Variants in SCARF2 observed in about 807,000 individuals in gnomAD.
The protein encoded by SCARF2 is scavenger receptor class F member 2.
SCARF2 carries 39 observed loss-of-function variants against 73.4 expected under a neutral mutation model. The ratio of observed to expected loss-of-function variants is 0.53; its 90% CI spans 0.41 to 0.69. SCARF2 has a LOEUF of 0.69. Ranked by LOEUF, SCARF2 falls within the 30% of genes least tolerant of loss-of-function variation. SCARF2 has a pLI of 0.00. For synonymous variants in SCARF2, 605 were observed against 590.0 expected, an observed-to-expected ratio of 1.03 and a Z score of -0.37; for missense variants, 1,148 against 1,303.5, an observed-to-expected ratio of 0.88 and a Z score of 1.84.
intron 6 of SCARF2, 176 bp from the exon 7 acceptor site, chr22:20,430,009 T>C (rs557761366): frequency 4.1e-5 from 27 of 663,752 alleles, no homozygotes; most frequent in African/African-American, 3.6e-4. Flanking sequence ...TATTGGGTAG[T>C]GGATGTTTTG....
chr22:20,427,574 G>T, intron 9 of SCARF2, 24 bp from the exon 10 acceptor site: 2 of 1,611,228 alleles, frequency 1.2e-6, no homozygotes, highest in East Asian at 2.2e-5. Flanking sequence ...AGGCAGAGCT[G>T]CCAGGGGTCC....
chr22:20,425,571 T>C lies in SCARF2; in HGVS notation c.2405A>G (p.Lys802Arg). The change falls in exon 11 of 11, where the codon AAA becomes AGA. Residue 802 changes from lysine (K) to arginine (R), a missense_variant. Physicochemically the swap from Lys to Arg is conservative, Grantham distance 26. Coordinates refer to ENST00000622235, the MANE Select transcript of SCARF2 (RefSeq NM_182895.5). This position sits in a 1 kb window ranked among gnomAD's most constrained non-coding sequence, Gnocchi z 4.6. ...GPREKPAPPQ[K>R]AKRSVPPASP... Reference sequence around the variant, plus strand: ...GGCTGGCGGCACGGAGCGCTTGGCTTTCTGTGGGGGCGCCGGCTTTTCCCT... The same window carrying C: ...GGCTGGCGGCACGGAGCGCTTGGCTCTCTGTGGGGGCGCCGGCTTTTCCCT... The C allele has an allele frequency of 7.5e-7, 1 of 1,341,338 alleles. No homozygotes were observed. The allele number at this position is 1,341,338 out of a possible 1,614,324, so 83.1% of individuals were successfully genotyped here.
Position 20,437,809 on chromosome 22 carries a change from G to T in SCARF2, c.-55C>A. 1 of 736,726 alleles carries T rather than the reference G, an allele frequency of 1.4e-6. No individual in the cohort carries two copies. The highest frequency in any genetic ancestry group is 5.8e-5 in the South Asian group (1 of 17,130). The allele number at this position is 736,726 out of a possible 1,614,324, so 45.6% of individuals were successfully genotyped here. ...GGGCGCGGGTGCGGCCGCAGCGAGAGCGGCCGGAAGCGGAGTGCGAGGCCG... is the reference window on the plus strand; with the variant it reads ...GGGCGCGGGTGCGGCCGCAGCGAGATCGGCCGGAAGCGGAGTGCGAGGCCG... On this transcript the variant is annotated 5_prime_UTR_variant, in exon 1 of 11. Coordinates refer to ENST00000622235, the MANE Select transcript of SCARF2 (RefSeq NM_182895.5).
In SCARF2 at chr22:20,425,470, T is replaced by C. The variant is rs781379635; in HGVS notation, c.2506A>G (p.Thr836Ala). The C allele has an allele frequency of 2.1e-6, 3 of 1,397,564 alleles. No individual in the cohort carries two copies. The highest frequency in any genetic ancestry group is 2.8e-5 in the Admixed American group (1 of 35,938). 86.6% of individuals were successfully genotyped at this position (1,397,564 alleles called of 1,614,324 possible). Reference sequence around the variant, plus strand: ...TGGATGGGGGTCTTCTTCCGGGGGGTCTCAGGCGCGGGCAAGTCGGTCGCC... The same window carrying C: ...TGGATGGGGGTCTTCTTCCGGGGGGCCTCAGGCGCGGGCAAGTCGGTCGCC... The part of the protein sequence containing the change: ...KAATDLPAPE[T>A]PRKKTPIQKP... Residue 836 changes from threonine to alanine, a missense_variant, in exon 11 of 11, where the codon ACC becomes GCC. Thr to Ala is a moderately conservative substitution (Grantham distance 58). Coordinates refer to ENST00000622235, the MANE Select transcript of SCARF2 (RefSeq NM_182895.5). This position sits in a 1 kb window ranked among gnomAD's most constrained non-coding sequence, Gnocchi z 4.6.
chr22:20,431,463 C>G lies in SCARF2; in HGVS notation c.409G>C (p.Val137Leu), dbSNP rs1327780843. 1 of 1,564,166 alleles carries G rather than the reference C, an allele frequency of 6.4e-7. No individual in the cohort carries two copies. The highest frequency in any genetic ancestry group is 2.4e-5 in the East Asian group (1 of 42,274). Residue 137 changes from valine to leucine, a missense_variant, in exon 4 of 11, where the codon GTG (valine) becomes CTG (leucine). Physicochemically the swap from Val to Leu is conservative, Grantham distance 32. Coordinates refer to ENST00000622235, the MANE Select transcript of SCARF2 (RefSeq NM_182895.5). ...SCHPHGQCED[V>L]TGQCTCHARR... ...GCGTGACAAGTACACTGGCCTGTCA[C>G]GTCCTCGCACTGCCCGTGTGGGTGG...
Position 20,425,353 on chromosome 22 carries a change from C to T in SCARF2, c.*22G>A, listed in dbSNP as rs916709590. 7.1e-5 allele frequency: 98 copies of T among 1,374,512 alleles called. No homozygotes were observed. Among genetic ancestry groups the T allele is most frequent in the Non-Finnish European group, 8.6e-5 (91 of 1,057,806 alleles). 85.1% of individuals were successfully genotyped at this position (1,374,512 alleles called of 1,614,324 possible). A position where few individuals can be genotyped will look rare whatever the true frequency, so the allele number is the denominator to read the frequency against. On this transcript the variant is annotated 3_prime_UTR_variant, in exon 11 of 11. Transcript: ENST00000622235. This position sits in a 1 kb window ranked among gnomAD's most constrained non-coding sequence, Gnocchi z 4.6. ...CGGCGCTGCGAAGCTGAGGGAGCTG[C>T]GCGCGGACGAGCCACAGCCTGCTAC...
In SCARF2 at chr22:20,431,401, C is replaced by T. The variant is rs1297869311; in HGVS notation, c.471G>A (p.Gln157=). Residue 157 remains glutamine (Q), a synonymous_variant, in exon 4 of 11, where the codon CAG becomes CAA. Transcript: ENST00000622235. ...GCGGGTGGCACGTGCCGTGCTGGCA[C>T]TGGCACGCATGCTCGCAGCGCGCGC... ...RWGARCEHAC[Q]CQHGTCHPRS... is the part of the protein sequence containing the mutation. The T allele has an allele frequency of 3.9e-6, 6 of 1,535,482 alleles. No homozygotes were observed. The African/African-American group carries it at 4.1e-5, about 11-fold the overall frequency.
In SCARF2 at chr22:20,427,380, A is replaced by C. The variant is rs1190905355; in HGVS notation, c.1693+18T>G. On this transcript the variant is annotated intron_variant, in intron 10 of 10. Transcript: ENST00000622235. Reference sequence around the variant, plus strand: ...ATTTCACTGGGCTGGAGTGATGCCCAGGTAGGGCCTTACTTACCCTCATGG... The same window carrying C: ...ATTTCACTGGGCTGGAGTGATGCCCCGGTAGGGCCTTACTTACCCTCATGG... 6.2e-7 allele frequency: 1 copy of C among 1,613,870 alleles called. No individual in the cohort carries two copies. The highest frequency in any genetic ancestry group is 1.7e-5 in the Admixed American group (1 of 60,002).
chr22:20,433,940 G>A (rs145858659), intron 1 of SCARF2, among the ~76,000 whole-genome samples: 24 of 152,306 alleles, frequency 1.6e-4, no homozygotes, highest in African/African-American at 4.6e-4. Flanking sequence ...GAATTGCCCC[G>A]GAAGCACTAA....
At chr22:20,436,462 G>A (rs2052700411) in intron 1 of SCARF2, among the ~76,000 whole-genome samples, 1 of 152,066 alleles carries the variant, frequency 6.6e-6, no homozygotes, top group South Asian at 2.1e-4. Flanking sequence ...ATGCGAAGCA[G>A]ATGGCGGGCC....
intron 1 of SCARF2, among the ~76,000 whole-genome samples, chr22:20,432,545 T>G (rs1020141953): frequency 3.3e-5 from 5 of 151,776 alleles, no homozygotes; most frequent in Non-Finnish European, 7.4e-5. Context: ...GTAGACACAG[T>G]GAGGTGACCA....
rs1015747298 is a variant in SCARF2, at chr22:20,425,902, G to A, written c.2074C>T (p.Pro692Ser). ...GTCCGTTTCCTCTTGCTGGGGCTGG[G>A]CGCGGCCTCGGAGCCTGGCGGCGGT... is the stretch of plus-strand genomic sequence containing the variant. ...SPPPPGSEAA[P>S]SPSKRKRTPS... The change falls in exon 11 of 11, where the codon CCC becomes TCC. Residue 692 changes from proline to serine, a missense_variant. Physicochemically the swap from Pro to Ser is moderately conservative, Grantham distance 74. Around this residue, in one of 5 missense-constraint regions of SCARF2, gnomAD observed 437 missense variants for 433.6 expected, o/e 1.01. Coordinates refer to ENST00000622235, the MANE Select transcript of SCARF2 (RefSeq NM_182895.5). The surrounding 1 kb of genome is among the most constrained non-coding windows in gnomAD (Gnocchi z 4.6). The A allele has an allele frequency of 1.9e-6, 3 of 1,598,596 alleles. No individual in the cohort carries two copies. The highest frequency in any genetic ancestry group is 2.6e-6 in the Non-Finnish European group (3 of 1,175,482).
intron 6 of SCARF2, 138 bp downstream of exon 6, chr22:20,430,291 C>T (rs958440089): frequency 1.7e-4 from 180 of 1,084,694 alleles, no homozygotes; most frequent in Non-Finnish European, 1.5e-4. Context: ...AAAGAGCCTA[C>T]TGTCACTCCC....
rs1206603547 is a variant in SCARF2, at chr22:20,429,397, T to G, written c.1425-57A>C. ...GGCCGGGGCGGGGCCCAGGGGCGAT[T>G]AGATCTCGGCCGGAGCCAAGCACAG... On this transcript the variant is annotated intron_variant, in intron 8 of 10. Transcript: ENST00000622235. The surrounding 1 kb of genome is among the most constrained non-coding windows in gnomAD (Gnocchi z 5.2). The G allele has an allele frequency of 6.4e-7, 1 of 1,557,912 alleles. No individual in the cohort carries two copies. Among genetic ancestry groups the G allele is most frequent in the East Asian group, 2.4e-5 (1 of 41,982 alleles).
At chr22:20,427,942 A>T (rs986639273) in intron 9 of SCARF2, among the ~76,000 whole-genome samples, 4 of 152,188 alleles carry the variant, frequency 2.6e-5, no homozygotes, top group African/African-American at 9.7e-5. Flanking sequence ...GAAGCCTTGG[A>T]GCACTTCTGA....
chr22:20,428,534 C>T (rs1336216487), intron 9 of SCARF2, among the ~76,000 whole-genome samples: 2 of 152,156 alleles, frequency 1.3e-5, no homozygotes, highest in Non-Finnish European at 2.9e-5. Context: ...GAACTCCAGG[C>T]CTCAGGTGAT....
chr22:20,427,317 CCT>C, intron 10 of SCARF2, 79 bp downstream of exon 10: 1 of 1,546,798 alleles, frequency 6.5e-7, no homozygotes, highest in Non-Finnish European at 8.9e-7. Context: ...CTGCCCTTCT[CCT>C]GTGTCCCACC....
intron 1 of SCARF2, among the ~76,000 whole-genome samples, chr22:20,433,106 T>C (rs1185566508): frequency 6.6e-6 from 1 of 152,148 alleles, no homozygotes; most frequent in Admixed American, 6.5e-5. Flanking sequence ...GAGCACAACC[T>C]CTAAAACCCT....
chr22:20,429,415 A>G lies in SCARF2; in HGVS notation c.1425-75T>C, dbSNP rs1214425191. On this transcript the variant is annotated intron_variant, in intron 8 of 10. Coordinates refer to ENST00000622235, the MANE Select transcript of SCARF2 (RefSeq NM_182895.5). The surrounding 1 kb of genome is among the most constrained non-coding windows in gnomAD (Gnocchi z 5.2). ...GGGCGATTAGATCTCGGCCGGAGCCAAGCACAGAAGGGGCGGGGCCACGTC... is the reference window on the plus strand; with the variant it reads ...GGGCGATTAGATCTCGGCCGGAGCCGAGCACAGAAGGGGCGGGGCCACGTC... 5 of 1,556,552 alleles carry G rather than the reference A, an allele frequency of 3.2e-6. No individual in the cohort carries two copies. The Admixed American group carries it at 5.7e-5, about 18-fold the overall frequency.
Sources: gnomAD v4.1 joint callset for allele counts (sites outside exome capture counted in the v4.1 genomes callset) on GRCh38, gnomAD v4.1.1 for gene constraint, gnomAD v4.1.1 regional missense constraint, Gnocchi (gnomAD v3.1) non-coding constraint, MANE v1.5 for transcripts, NCBI Gene and HGNC (gene_info 2026-07-23, HGNC 2026-07-21) for gene names.